RALYL: variants seen among roughly 807,000 people sequenced by gnomAD.
The protein encoded by RALYL is RALY RNA binding protein like.
A neutral mutation model predicts 35.1 loss-of-function variants in RALYL; 29 were observed. The observed-to-expected ratio is 0.83, with a 90% CI of 0.61 to 1.13. RALYL has a LOEUF of 1.13. Ranked by LOEUF, RALYL falls within the 50% of genes most tolerant of loss-of-function variation. The pLI, the probability that RALYL is intolerant of heterozygous loss-of-function variation, is 0.00. For synonymous variants in RALYL, 120 were observed against 127.6 expected (o/e 0.94, Z 0.40); for missense variants, 359 against 360.4 (o/e 1.00, Z 0.03).
At chr8:84,847,200 C>G (rs914612376) in intron 4 of RALYL, among the ~76,000 whole-genome samples, 1 of 152,224 alleles carries the variant, frequency 6.6e-6, no homozygotes, top group Admixed American at 6.5e-5. Flanking sequence ...ATTTTCTGAG[C>G]AGATTCCCCT....
chr8:84,846,793 G>A (rs911490662), intron 4 of RALYL, among the ~76,000 whole-genome samples: 1 of 152,146 alleles, frequency 6.6e-6, no homozygotes, highest in African/African-American at 2.4e-5. Context: ...CCTATTTTGT[G>A]TACATAGCAG....
intron 2 of RALYL, among the ~76,000 whole-genome samples, chr8:84,591,673 G>A (rs1813321352): frequency 1.3e-5 from 2 of 152,138 alleles, no homozygotes; most frequent in Admixed American, 1.3e-4. Flanking sequence ...GAGAGCCATG[G>A]CTAATCGTCT....
chr8:84,356,220 A>G (rs1851807989), intron 1 of RALYL, among the ~76,000 whole-genome samples: 1 of 150,440 alleles, frequency 6.6e-6, no homozygotes, highest in South Asian at 2.1e-4. Context: ...GTGGTTCTTT[A>G]TAGCAATGTG....
Position 84,786,889 on chromosome 8 carries a change from A to G in RALYL, c.332+12235A>G, listed in dbSNP as rs146819231. Among the ~76,000 whole-genome samples the G allele has an allele frequency of 5.7e-4, 87 of 152,312 alleles. 2 individuals carry two copies. The East Asian group carries it at 0.016, about 28-fold the overall frequency. Reference sequence around the variant, plus strand: ...CTGTGATTGCTTTTGGTTAAAAGGAATTATATAAACATCATGACCAAAACT... The same window carrying G: ...CTGTGATTGCTTTTGGTTAAAAGGAGTTATATAAACATCATGACCAAAACT... On this transcript the variant is annotated intron_variant, in intron 3 of 8. Coordinates refer to ENST00000521268, the MANE Select transcript of RALYL (RefSeq NM_173848.7).
chr8:84,562,303 T>G (rs931749905), intron 2 of RALYL, among the ~76,000 whole-genome samples: 5 of 151,916 alleles, frequency 3.3e-5, no homozygotes, highest in African/African-American at 1.2e-4. Context: ...GCCAGCAAGT[T>G]TAAAACCTGC....
At chr8:84,438,762 T>C (rs964982773) in intron 1 of RALYL, among the ~76,000 whole-genome samples, 3 of 152,148 alleles carry the variant, frequency 2.0e-5, no homozygotes, top group South Asian at 2.1e-4. Context: ...TTTTTGTATA[T>C]GCTAAAAGGT....
intron 1 of RALYL, among the ~76,000 whole-genome samples, chr8:84,224,364 T>C (rs1823309738): frequency 6.6e-6 from 1 of 152,142 alleles, no homozygotes; most frequent in African/African-American, 2.4e-5. Flanking sequence ...TAAGTGAATA[T>C]TTGCACCGGT....
At chr8:84,219,852 A>G (rs958266737) in intron 1 of RALYL, among the ~76,000 whole-genome samples, 3 of 147,616 alleles carry the variant, frequency 2.0e-5, no homozygotes, top group South Asian at 4.3e-4. Flanking sequence ...GGTAATGATA[A>G]CAGAAGACGT....
intron 1 of RALYL, among the ~76,000 whole-genome samples, chr8:84,295,006 G>A (rs576746900): frequency 1.6e-4 from 24 of 152,196 alleles, no homozygotes; most frequent in African/African-American, 5.8e-4. Context: ...GTGCATCAGA[G>A]TTCTATTGTC....
chr8:84,906,449 G>A (rs1157771365), intron 8 of RALYL, among the ~76,000 whole-genome samples: 2 of 152,036 alleles, frequency 1.3e-5, no homozygotes, highest in Non-Finnish European at 2.9e-5. Flanking sequence ...CAGTATTTCT[G>A]GAAACTAATG....
At chr8:84,880,001 A>T (rs2135342682) in intron 7 of RALYL, among the ~76,000 whole-genome samples, 1 of 152,256 alleles carries the variant, frequency 6.6e-6, no homozygotes, top group Non-Finnish European at 1.5e-5. Flanking sequence ...AGCTAAAGGC[A>T]GGCAGATTCT....
chr8:84,230,666 T>A (rs566462825), intron 1 of RALYL, among the ~76,000 whole-genome samples: 43 of 152,338 alleles, frequency 2.8e-4, no homozygotes, highest in African/African-American at 9.4e-4. Flanking sequence ...TGGACACTAC[T>A]TGTTACTACT....
intron 2 of RALYL, among the ~76,000 whole-genome samples, chr8:84,625,139 A>G (rs1271089995): frequency 6.6e-6 from 1 of 152,224 alleles, no homozygotes; most frequent in Non-Finnish European, 1.5e-5. Flanking sequence ...CTGTCTTTCA[A>G]GCAAGTTGAT....
chr8:84,237,162 A>G (rs1391267603), intron 1 of RALYL, among the ~76,000 whole-genome samples: 1 of 152,220 alleles, frequency 6.6e-6, no homozygotes, highest in East Asian at 1.9e-4. Context: ...GGAAACCTAC[A>G]CAGCCAGTTC....
intron 1 of RALYL, among the ~76,000 whole-genome samples, chr8:84,235,767 C>CTTTTTTTTTTT (rs556495836): frequency 7.9e-5 from 10 of 126,928 alleles, no homozygotes; most frequent in Non-Finnish European, 1.1e-4. Context: ...TTTTCTTTTT[C>CTTTTTTTTTTT]TTTTTTTTTT....
chr8:84,691,713 C>A (rs896537403), intron 2 of RALYL, among the ~76,000 whole-genome samples: 1 of 151,730 alleles, frequency 6.6e-6, no homozygotes, highest in African/African-American at 2.4e-5. Context: ...GAGAGTGAGT[C>A]CCCTGGAGGA....
intron 2 of RALYL, among the ~76,000 whole-genome samples, chr8:84,693,808 A>C (rs1171157325): frequency 6.6e-6 from 1 of 152,012 alleles, no homozygotes; most frequent in Non-Finnish European, 1.5e-5. Flanking sequence ...AGAATCATTC[A>C]AATATGTAAA....
intron 2 of RALYL, chr8:84,665,904 A>G (rs1175579962): frequency 3.3e-5 from 5 of 152,078 alleles, no homozygotes; most frequent in African/African-American, 1.2e-4. Flanking sequence ...ACTATTTTTC[A>G]TCTCTCTTAT....
At chr8:84,915,875 GA>G (rs1226038048) in intron 8 of RALYL, among the ~76,000 whole-genome samples, 2 of 152,048 alleles carry the variant, frequency 1.3e-5, no homozygotes, top group Non-Finnish European at 2.9e-5. Flanking sequence ...ATGTACTCCA[GA>G]AACACAAATG....
Sources: gnomAD v4.1 joint callset for allele counts (sites outside exome capture counted in the v4.1 genomes callset) on GRCh38, gnomAD v4.1.1 for gene constraint, MANE v1.5 for transcripts, NCBI Gene and HGNC (gene_info 2026-07-23, HGNC 2026-07-21) for gene names.